LOC128462377: variants seen among roughly 807,000 people sequenced by gnomAD.
chr16:89,329,598 T>A, the LOC128462377 span, among the ~76,000 whole-genome samples: 4 of 145,660 alleles, frequency 2.7e-5, no homozygotes, highest in East Asian at 2.0e-4. Flanking sequence ...CAGAAAAAAA[T>A]TTTAATTCCC....
At chr16:89,402,508 C>A in the LOC128462377 span, among the ~76,000 whole-genome samples, 1 of 151,822 alleles carries the variant, frequency 6.6e-6, no homozygotes, top group Non-Finnish European at 1.5e-5. Flanking sequence ...AGGGAGACCC[C>A]GCCTCTAGAA....
the LOC128462377 span, among the ~76,000 whole-genome samples, chr16:89,331,438 GAATTTAC>G: frequency 6.6e-6 from 1 of 152,174 alleles, no homozygotes; most frequent in Non-Finnish European, 1.5e-5. Flanking sequence ...AACAAAGGGA[GAATTTAC>G]AGATTAAAGA....
the LOC128462377 span, among the ~76,000 whole-genome samples, chr16:89,333,111 T>G: frequency 6.6e-6 from 1 of 152,214 alleles, no homozygotes; most frequent in South Asian, 2.1e-4. Context: ...GGTCACAGAC[T>G]CAGTGGCCAA....
the LOC128462377 span, among the ~76,000 whole-genome samples, chr16:89,335,487 G>A: frequency 1.3e-5 from 2 of 152,194 alleles, no homozygotes; most frequent in African/African-American, 2.4e-5. Flanking sequence ...AGTGGGTTAG[G>A]GCAGGTGCTC....
At chr16:89,381,354 A>AAGGG in the LOC128462377 span, among the ~76,000 whole-genome samples, 3 of 125,334 alleles carry the variant, frequency 2.4e-5, no homozygotes, top group East Asian at 2.2e-4. Context: ...AAAAAAAAAA[A>AAGGG]GGGGTGAGAA....
At chr16:89,324,284 C>T in the LOC128462377 span, 11 of 1,253,576 alleles carry the variant, frequency 8.8e-6, no homozygotes, top group East Asian at 5.6e-5. Context: ...CCCCGTGCTC[C>T]GGAACACGGA....
the LOC128462377 span, among the ~76,000 whole-genome samples, chr16:89,325,463 TCTCTCTCACACA>T: frequency 3.3e-3 from 461 of 139,384 alleles, 1 homozygote; most frequent in African/African-American, 0.013. Flanking sequence ...TCTCTCTCTC[TCTCTCTCACACA>T]CACACACACA....
the LOC128462377 span, among the ~76,000 whole-genome samples, chr16:89,357,012 A>G: frequency 6.6e-6 from 1 of 152,190 alleles, no homozygotes; most frequent in Non-Finnish European, 1.5e-5. Context: ...GCATGTCCCA[A>G]TGCTAATGGT....
chr16:89,319,338 A>G, the LOC128462377 span, among the ~76,000 whole-genome samples: 1 of 152,096 alleles, frequency 6.6e-6, no homozygotes, highest in Admixed American at 6.5e-5. Flanking sequence ...ACCTTCCCCA[A>G]TGGACCAGGG....
chr16:89,335,634 G>A, the LOC128462377 span, among the ~76,000 whole-genome samples: 5 of 152,152 alleles, frequency 3.3e-5, no homozygotes, highest in South Asian at 2.1e-4. Flanking sequence ...ACACACACAA[G>A]CTGAGGTAAG....
chr16:89,319,322 C>G, the LOC128462377 span, among the ~76,000 whole-genome samples: 3 of 152,218 alleles, frequency 2.0e-5, no homozygotes, highest in African/African-American at 7.2e-5. Context: ...GGTGCTTTGC[C>G]CAGGCACCTT....
At chr16:89,406,726 G>A in the LOC128462377 span, among the ~76,000 whole-genome samples, 6 of 152,166 alleles carry the variant, frequency 3.9e-5, no homozygotes, top group African/African-American at 1.4e-4. Context: ...GGACCTCAGT[G>A]CCTCCTTCAC....
the LOC128462377 span, among the ~76,000 whole-genome samples, chr16:89,351,655 C>T: frequency 3.9e-5 from 6 of 152,194 alleles, no homozygotes; most frequent in South Asian, 2.1e-4. Flanking sequence ...GTGACCTGGG[C>T]GCAGGTTCGT....
At chr16:89,325,667 C>A in the LOC128462377 span, among the ~76,000 whole-genome samples, 1 of 152,222 alleles carries the variant, frequency 6.6e-6, no homozygotes, top group Non-Finnish European at 1.5e-5. Context: ...TAAGTGAAGG[C>A]TGCGGAGGCG....
At chr16:89,360,082 G>A in the LOC128462377 span, among the ~76,000 whole-genome samples, 6 of 151,876 alleles carry the variant, frequency 4.0e-5, no homozygotes, top group African/African-American at 1.5e-4. Flanking sequence ...GTAGACCCCC[G>A]TGTCTGGTGT....
At chr16:89,406,107 C>G in the LOC128462377 span, among the ~76,000 whole-genome samples, 1 of 125,218 alleles carries the variant, frequency 8.0e-6, no homozygotes, top group African/African-American at 3.3e-5. Flanking sequence ...GAGATTCCAT[C>G]TCAAAAAAAA....
At chr16:89,406,548 C>T in the LOC128462377 span, among the ~76,000 whole-genome samples, 4 of 152,214 alleles carry the variant, frequency 2.6e-5, no homozygotes, top group African/African-American at 9.6e-5. Flanking sequence ...GCACCAGAGG[C>T]TGCAGCGAGG....
the LOC128462377 span, among the ~76,000 whole-genome samples, chr16:89,382,629 A>T: frequency 6.6e-6 from 1 of 151,128 alleles, no homozygotes; most frequent in East Asian, 2.0e-4. Context: ...GAGCCACCAC[A>T]CTTGGCCGAC....
chr16:89,337,286 G>C, the LOC128462377 span, among the ~76,000 whole-genome samples: 4 of 151,882 alleles, frequency 2.6e-5, no homozygotes, highest in Admixed American at 6.6e-5. Flanking sequence ...TCAGAAAGGA[G>C]AGGACTTCAG....
Sources: allele counts gnomAD v4.1 joint callset (sites outside exome capture counted in the v4.1 genomes callset), GRCh38; gene constraint gnomAD v4.1.1; transcripts MANE v1.5.